The following LRIG1 variants were observed in gnomAD, a reference collection of about 807,000 sequenced individuals.
LRIG1 encodes leucine rich repeats and immunoglobulin like domains 1.
A neutral mutation model predicts 99.2 loss-of-function variants in LRIG1; 48 were observed. That is an observed-to-expected ratio of 0.48 (90% CI 0.38 to 0.62). The LOEUF (loss-of-function observed/expected upper bound fraction) is 0.62, where lower values mean the gene tolerates loss of function less well. Among genes scored for constraint, LRIG1 ranks in the 20% least tolerant of loss-of-function variants. LRIG1 has a pLI of 0.00. For missense variants in LRIG1, 1,646 were observed against 1,434.4 expected (o/e 1.15, Z -2.38); for synonymous variants, 772 against 596.1 (o/e 1.29, Z -4.30).
chr3:66,471,944 T>C (rs894298464), intron 1 of LRIG1, among the ~76,000 whole-genome samples: 1 of 152,180 alleles, frequency 6.6e-6, no homozygotes, highest in Non-Finnish European at 1.5e-5. Context: ...GGAGACTGAT[T>C]AGCTTCCTAT....
At chr3:66,432,684 C>A (rs1451860056) in intron 3 of LRIG1, among the ~76,000 whole-genome samples, 1 of 152,128 alleles carries the variant, frequency 6.6e-6, no homozygotes, top group Non-Finnish European at 1.5e-5. Context: ...GAATCCATAT[C>A]CCACACTCCT....
Position 66,500,646 on chromosome 3 carries a change from C to T in LRIG1, c.-239G>A. On this transcript the variant is annotated 5_prime_UTR_variant, in exon 1 of 19. Coordinates refer to ENST00000273261, the MANE Select transcript of LRIG1 (RefSeq NM_015541.3). ...CCCGCGCCCATCCGGGCCGGCCGGC[C>T]CGCCCGCGCTAGCTGCGAACTCCGC... The T allele has an allele frequency of 9.7e-6, 3 of 310,792 alleles. No homozygotes were observed. Among genetic ancestry groups the T allele is most frequent in the Non-Finnish European group, 1.8e-5 (3 of 170,520 alleles). 19.3% of individuals were successfully genotyped at this position (310,792 alleles called of 1,614,324 possible). A position where few individuals can be genotyped will look rare whatever the true frequency, so the allele number is the denominator to read the frequency against.
intron 1 of LRIG1, among the ~76,000 whole-genome samples, chr3:66,467,803 T>C (rs1220528840): frequency 6.6e-6 from 1 of 152,232 alleles, no homozygotes; most frequent in East Asian, 1.9e-4. Context: ...AACCAACGAA[T>C]ATATCTATAT....
At chr3:66,381,090 A>ATGTAGT (rs533196709) in intron 17 of LRIG1, 50 of 595,356 alleles carry the variant, frequency 8.4e-5, no homozygotes, top group Non-Finnish European at 1.5e-4. Flanking sequence ...TTCATAGACA[A>ATGTAGT]TGTAGTCTTA....
In LRIG1 at chr3:66,500,277, GCGGCCGCGCAGGGCGCCCGCGGGC is replaced by G. The variant is rs1281915173; in HGVS notation, c.107_130del (p.Gly36_Ala43del). On this transcript the variant is annotated inframe_deletion, in exon 1 of 19. Coordinates refer to ENST00000273261, the MANE Select transcript of LRIG1 (RefSeq NM_015541.3). ...CAGCGAGTCCCCAGCGCAAGTGCAG[GCGGCCGCGCAGGGCGCCCGCGGGC>G]CGGCCGCGGCGGTCACCGGCTCCAG... is the stretch of plus-strand genomic sequence containing the variant. 6.7e-6 allele frequency: 10 copies of G among 1,486,752 alleles called. No homozygotes were observed. Among genetic ancestry groups the G allele is most frequent in the Middle Eastern group, 2.2e-4 (1 of 4,632 alleles). The allele number at this position is 1,486,752 out of a possible 1,614,324, so 92.1% of individuals were successfully genotyped here. A position where few individuals can be genotyped will look rare whatever the true frequency, so the allele number is the denominator to read the frequency against.
intron 1 of LRIG1, among the ~76,000 whole-genome samples, chr3:66,477,245 T>C (rs1389305174): frequency 1.3e-5 from 2 of 152,134 alleles, no homozygotes; most frequent in Non-Finnish European, 2.9e-5. Flanking sequence ...TTTTTTTAAC[T>C]GATGGCTGCT....
intron 9 of LRIG1, 40 bp downstream of exon 9, chr3:66,405,158 C>T (rs779905308): frequency 2.5e-5 from 39 of 1,577,136 alleles, no homozygotes; most frequent in Middle Eastern, 3.5e-4. Context: ...AAGTGTGTCC[C>T]GCGCATTTGC....
intron 1 of LRIG1, among the ~76,000 whole-genome samples, chr3:66,497,495 C>G (rs752945839): frequency 6.6e-6 from 1 of 152,018 alleles, no homozygotes; most frequent in East Asian, 1.9e-4. Context: ...ATCTCACCTA[C>G]GTAATGGGCT....
intron 9 of LRIG1, chr3:66,401,647 G>C (rs976073912): frequency 5.1e-5 from 78 of 1,530,242 alleles, no homozygotes; most frequent in Non-Finnish European, 6.6e-5. Flanking sequence ...ACGGGGAGCT[G>C]CAGCCAGCAG....
At chr3:66,497,797 G>A (rs1488913587) in intron 1 of LRIG1, among the ~76,000 whole-genome samples, 4 of 145,572 alleles carry the variant, frequency 2.7e-5, no homozygotes, top group Non-Finnish European at 6.0e-5. Context: ...ACTAGCTGCA[G>A]TAAATCCAGT....
rs144206999 is a variant in LRIG1 at position 66,453,955 on chromosome 3, T to C, written c.291-2322A>G. Among the ~76,000 whole-genome samples, 447 of 152,272 alleles carry C rather than the reference T, an allele frequency of 2.9e-3. 2 individuals carry two copies. The highest frequency in any genetic ancestry group is 0.01 in the African/African-American group (422 of 41,558). ...AAATGAACAAGGGAAGCGGGCATCA[T>C]GATATTTCAAATTGTGACAGAACTG... On this transcript the variant is annotated intron_variant, in intron 2 of 18. Coordinates refer to ENST00000273261, the MANE Select transcript of LRIG1 (RefSeq NM_015541.3).
At chr3:66,495,162 G>C (rs1165839612) in intron 1 of LRIG1, among the ~76,000 whole-genome samples, 1 of 152,138 alleles carries the variant, frequency 6.6e-6, no homozygotes, top group Admixed American at 6.5e-5. Flanking sequence ...AACCCTAGTG[G>C]CTCAGTGTCA....
intron 15 of LRIG1, among the ~76,000 whole-genome samples, 167 bp downstream of exon 15, chr3:66,382,815 G>A (rs1372780888): frequency 6.7e-6 from 1 of 150,278 alleles, no homozygotes; most frequent in Non-Finnish European, 1.5e-5. Context: ...GAGTATTCCT[G>A]TTTAAGGTTA....
rs570097561 is a variant in LRIG1 at position 66,422,880 on chromosome 3, C to T, written c.366-5614G>A. Among the ~76,000 whole-genome samples the T allele has an allele frequency of 2.8e-4, 43 of 152,248 alleles. 1 individual carries two copies. In the East Asian group the frequency reaches 4.8e-3, roughly 17 times the overall value. ...GAGGCCTCACAATCATGGCAGAAGG[C>T]GAGGAGGAACAAATCACATCTTACA... is the stretch of plus-strand genomic sequence containing the variant. On this transcript the variant is annotated intron_variant, in intron 3 of 18. Transcript: ENST00000273261.
chr3:66,405,170 GGCGGAGCTCCGT>G lies in LRIG1; in HGVS notation c.1160+16_1160+27del, dbSNP rs1559780680. Reference sequence around the variant, plus strand: ...CCCAAGTGTGTCCCGCGCATTTGCCGGCGGAGCTCCGTGCGGCGGATACTCACAGCTTGCTGA... The same window carrying G: ...CCCAAGTGTGTCCCGCGCATTTGCCGGCGGCGGATACTCACAGCTTGCTGA... On this transcript the variant is annotated intron_variant, in intron 9 of 18. Coordinates refer to ENST00000273261, the MANE Select transcript of LRIG1 (RefSeq NM_015541.3). The G allele has an allele frequency of 6.2e-7, 1 of 1,606,388 alleles. No individual in the cohort carries two copies. Among genetic ancestry groups the G allele is most frequent in the Admixed American group, 1.7e-5 (1 of 59,998 alleles).
At chr3:66,453,353 T>C (rs776083096) in intron 2 of LRIG1, among the ~76,000 whole-genome samples, 5 of 152,236 alleles carry the variant, frequency 3.3e-5, no homozygotes, top group Non-Finnish European at 5.9e-5. Flanking sequence ...TTTCAGTATA[T>C]TAATGCATCT....
intron 9 of LRIG1, among the ~76,000 whole-genome samples, chr3:66,399,537 C>T (rs1701979514): frequency 6.6e-6 from 1 of 152,188 alleles, no homozygotes; most frequent in African/African-American, 2.4e-5. Context: ...CTTTGGGAGG[C>T]TGAGGCAGGA....
chr3:66,500,265 G>C lies in LRIG1; in HGVS notation c.143C>G (p.Ala48Gly), dbSNP rs2106950668. Residue 48 changes from alanine (A) to glycine (G), a missense_variant, in exon 1 of 19, where the codon GCT becomes GGT. Transcript: ENST00000273261. ...CCCACCGCAGTCCAGCGAGTCCCCA[G>C]CGCAAGTGCAGGCGGCCGCGCAGGG... is the stretch of plus-strand genomic sequence containing the variant. The part of the protein sequence containing the change: ...RAPCAAACTC[A>G]GDSLDCGGRG... The C allele has an allele frequency of 6.7e-7, 1 of 1,499,770 alleles. No individual in the cohort carries two copies. Among genetic ancestry groups the C allele is most frequent in the Non-Finnish European group, 8.8e-7 (1 of 1,130,982 alleles). The allele number at this position is 1,499,770 out of a possible 1,614,324, so 92.9% of individuals were successfully genotyped here.
intron 1 of LRIG1, among the ~76,000 whole-genome samples, chr3:66,491,718 T>C (rs1701105610): frequency 6.6e-6 from 1 of 152,168 alleles, no homozygotes; most frequent in South Asian, 2.1e-4. Context: ...TGATATGCCT[T>C]TGATTTATTT....
Sources: allele counts gnomAD v4.1 joint callset (sites outside exome capture counted in the v4.1 genomes callset), GRCh38; gene constraint gnomAD v4.1.1; transcripts MANE v1.5; gene names NCBI Gene and HGNC (gene_info 2026-07-23, HGNC 2026-07-21).